Variants in FMN2 observed in about 807,000 individuals in gnomAD.
FMN2 encodes formin-2.
A neutral mutation model predicts 142.3 loss-of-function variants in FMN2; 51 were observed. The ratio of observed to expected loss-of-function variants is 0.36; its 90% CI spans 0.29 to 0.45. FMN2 has a LOEUF of 0.45. FMN2 is among the 20% of genes least tolerant of loss of function. The pLI, the probability that FMN2 is intolerant of heterozygous loss-of-function variation, is 1.00. For synonymous variants in FMN2, 882 were observed against 869.8 expected (o/e 1.01, Z -0.25); for missense variants, 1,936 against 2,122.8 (o/e 0.91, Z 1.73).
At chr1:240,358,001 C>T (rs996425803) in intron 14 of FMN2, among the ~76,000 whole-genome samples, 1 of 152,052 alleles carries the variant, frequency 6.6e-6, no homozygotes, top group African/African-American at 2.4e-5. Context: ...TGTAAGGATA[C>T]TAACCTATAT....
At chr1:240,405,096 C>T (rs567735671) in intron 15 of FMN2, among the ~76,000 whole-genome samples, 1 of 152,248 alleles carries the variant, frequency 6.6e-6, no homozygotes, top group East Asian at 1.9e-4. Flanking sequence ...TCCAAGTTAA[C>T]AGAGGTTAGA....
At chr1:240,102,124 A>G (rs377495338) in intron 1 of FMN2, among the ~76,000 whole-genome samples, 1 of 152,160 alleles carries the variant, frequency 6.6e-6, no homozygotes, top group Non-Finnish European at 1.5e-5. Context: ...TTACTGAAAT[A>G]CTTTTTATGA....
intron 2 of FMN2, among the ~76,000 whole-genome samples, chr1:240,177,508 C>G (rs1664969927): frequency 6.6e-6 from 1 of 152,106 alleles, no homozygotes; most frequent in Non-Finnish European, 1.5e-5. Flanking sequence ...TGCCCAAGTA[C>G]AGCCTGTCCT....
At chr1:240,129,505 C>CTT (rs35446628) in intron 2 of FMN2, among the ~76,000 whole-genome samples, 1,772 of 121,946 alleles carry the variant, frequency 0.015, 63 homozygotes, top group African/African-American at 0.037. Flanking sequence ...CTGCTGATGC[C>CTT]TTTTTTTTTT....
chr1:240,184,928 A>ACTTTCTGCCTCCTATACCTTCCCCTTCT (rs1665340848), intron 3 of FMN2, among the ~76,000 whole-genome samples: 1 of 83,148 alleles, frequency 1.2e-5, no homozygotes, highest in African/African-American at 4.7e-5. Flanking sequence ...TGTTCCCTTT[A>ACTTTCTGCCTCCTATACCTTCCCCTTCT]CTTTCTCCCT....
intron 8 of FMN2, among the ~76,000 whole-genome samples, chr1:240,312,688 G>A (rs1452420696): frequency 6.6e-6 from 1 of 152,200 alleles, no homozygotes; most frequent in East Asian, 1.9e-4. Flanking sequence ...GGAAGAAAGA[G>A]TAATTCTGTG....
rs1349790438 is a variant in FMN2 at position 240,230,276 on chromosome 1, G to A, written c.4065+19041G>A. Among the ~76,000 whole-genome samples the A allele has an allele frequency of 3.1e-5, 4 of 130,130 alleles. 1 individual carries two copies. The highest frequency in any genetic ancestry group is 7.3e-5 in the Admixed American group (1 of 13,726). The allele number at this position is 130,130 out of a possible 152,430, so 85.4% of individuals were successfully genotyped here. ...CAGGAGGTCAAGGCTGCAGTGAGCC[G>A]AGATCAAGCCACTGCACTCCAGCCT... is the stretch of plus-strand genomic sequence containing the variant. On this transcript the variant is annotated intron_variant, in intron 6 of 17. Transcript: ENST00000319653.
intron 2 of FMN2, among the ~76,000 whole-genome samples, chr1:240,157,881 A>C (rs1418668068): frequency 6.6e-6 from 1 of 151,640 alleles, no homozygotes; most frequent in Non-Finnish European, 1.5e-5. Context: ...TCACTCCTGT[A>C]ATCCTAGCAC....
intron 8 of FMN2, among the ~76,000 whole-genome samples, chr1:240,296,211 T>A (rs1204085503): frequency 1.0e-5 from 1 of 96,570 alleles, no homozygotes; most frequent in African/African-American, 3.7e-5. Context: ...TTTTTTTTTT[T>A]TAACAAAGGT....
Position 240,123,351 on chromosome 1 carries a change from T to C in FMN2, c.1782+6T>C. ...CGAATGCAGCTTCGTTTGATGTAAG[T>C]AGGAGAATTCACTTCTGTCCGTGAG... On this transcript the variant is annotated splice_donor_region_variant and intron_variant, in intron 2 of 17. Coordinates refer to ENST00000319653, the MANE Select transcript of FMN2 (RefSeq NM_020066.5). The C allele has an allele frequency of 1.2e-6, 2 of 1,612,218 alleles. No homozygotes were observed. The highest frequency in any genetic ancestry group is 1.7e-6 in the Non-Finnish European group (2 of 1,178,952).
intron 15 of FMN2, among the ~76,000 whole-genome samples, chr1:240,404,653 C>T (rs1258277193): frequency 6.6e-6 from 1 of 152,058 alleles, no homozygotes; most frequent in Non-Finnish European, 1.5e-5. Flanking sequence ...TATTTTCGGG[C>T]CGTGTGGTAA....
intron 15 of FMN2, among the ~76,000 whole-genome samples, chr1:240,420,857 A>T (rs1356253537): frequency 6.6e-6 from 1 of 152,142 alleles, no homozygotes; most frequent in Non-Finnish European, 1.5e-5. Flanking sequence ...TCCTGCTGTT[A>T]GTTCAGGTTC....
intron 17 of FMN2, 46 bp downstream of exon 17, chr1:240,472,499 A>C (rs1198618363): frequency 2.3e-6 from 3 of 1,309,408 alleles, no homozygotes; most frequent in Non-Finnish European, 3.2e-6. Flanking sequence ...TGGCTTTTAA[A>C]TCCTATTTTC....
rs189008510 is a variant in FMN2 at position 240,210,576 on chromosome 1, T to C, written c.3921-515T>C. On this transcript the variant is annotated intron_variant, in intron 5 of 17. Coordinates refer to ENST00000319653, the MANE Select transcript of FMN2 (RefSeq NM_020066.5). Reference sequence around the variant, plus strand: ...CAGGGGAAGTTCTTGTGTTTTGTTGTTGGTTTGCTTTTTAAAAAGATGTGT... The same window carrying C: ...CAGGGGAAGTTCTTGTGTTTTGTTGCTGGTTTGCTTTTTAAAAAGATGTGT... 1.7e-3 allele frequency among the ~76,000 whole-genome samples: 256 copies of C among 152,302 alleles called. 4 individuals are homozygous for C. Among genetic ancestry groups the C allele is most frequent in the Non-Finnish European group, 1.3e-4 (9 of 68,024 alleles).
intron 7 of FMN2, among the ~76,000 whole-genome samples, chr1:240,284,410 T>C (rs73122312): frequency 0.01 from 1,577 of 152,250 alleles, 24 homozygotes; most frequent in African/African-American, 0.034. Context: ...CTAGACCCTG[T>C]GTTTTCATTT....
Position 240,439,279 on chromosome 1 carries a change from A to AAAAAAAAAAGAAAGAAAGAAAG in FMN2, c.5060+1072_5060+1073insAAAAAAGAAAGAAAGAAAGAAA, listed in dbSNP as rs555074808. 8.7e-4 allele frequency among the ~76,000 whole-genome samples: 108 copies of AAAAAAAAAAGAAAGAAAGAAAG among 124,764 alleles called. 3 individuals carry two copies. In the East Asian group the frequency reaches 0.015, roughly 17 times the overall value. 81.9% of individuals were successfully genotyped at this position (124,764 alleles called of 152,430 possible). On this transcript the variant is annotated intron_variant, in intron 16 of 17. Coordinates refer to ENST00000319653, the MANE Select transcript of FMN2 (RefSeq NM_020066.5). ...CAGAGCAAGGCTGTCTCAAAAAAAA[A>AAAAAAAAAAGAAAGAAAGAAAG]AAAGAAAGAAAGAAAGAAAGAAAGA...
At chr1:240,176,064 TC>T (rs1664899533) in intron 2 of FMN2, among the ~76,000 whole-genome samples, 1 of 152,184 alleles carries the variant, frequency 6.6e-6, no homozygotes, top group Non-Finnish European at 1.5e-5. Flanking sequence ...ATAGTTCAGT[TC>T]ATTGATTTTT....
chr1:240,410,450 A>AT (rs747894456), intron 15 of FMN2, among the ~76,000 whole-genome samples: 66 of 152,204 alleles, frequency 4.3e-4, no homozygotes, highest in Admixed American at 1.9e-3. Context: ...CAGCCTTAGG[A>AT]TTATAAGGTT....
chr1:240,180,567 T>TTTC (rs1558341640), intron 3 of FMN2, among the ~76,000 whole-genome samples: 2 of 64,830 alleles, frequency 3.1e-5, no homozygotes, highest in Non-Finnish European at 6.4e-5. Flanking sequence ...ACATGACCCC[T>TTTC]TTTTTTTTTT....
Sources: allele counts gnomAD v4.1 joint callset (sites outside exome capture counted in the v4.1 genomes callset), GRCh38; gene constraint gnomAD v4.1.1; transcripts MANE v1.5; gene names NCBI Gene and HGNC (gene_info 2026-07-23, HGNC 2026-07-21).